The following DAB2IP variants were observed in gnomAD, a reference collection of about 807,000 sequenced individuals.
The protein encoded by DAB2IP is DAB2 interacting protein, also known as disabled homolog 2-interacting protein.
Under a neutral mutation model 107.2 loss-of-function variants are expected in DAB2IP, and 28 were observed. That is an observed-to-expected ratio of 0.26 (90% CI 0.19 to 0.36). DAB2IP has a LOEUF of 0.36. Among genes scored for constraint, DAB2IP ranks in the 10% least tolerant of loss-of-function variants. The pLI is 1.00. For synonymous variants in DAB2IP, 755 were observed against 706.4 expected (o/e 1.07, Z -1.09); for missense variants, 1,400 against 1,644.7 (o/e 0.85, Z 2.57).
intron 3 of DAB2IP, among the ~76,000 whole-genome samples, chr9:121,723,819 AG>A (rs1191304629): frequency 1.3e-5 from 2 of 152,162 alleles, no homozygotes; most frequent in Non-Finnish European, 1.5e-5. Flanking sequence ...TAGGCTGGTG[AG>A]CCCACTCGGG....
At chr9:121,639,292 A>G (rs1044646625) in intron 1 of DAB2IP, among the ~76,000 whole-genome samples, 1 of 152,192 alleles carries the variant, frequency 6.6e-6, no homozygotes, top group African/African-American at 2.4e-5. Flanking sequence ...AGGTCTCTGC[A>G]AACCCTCTAG....
chr9:121,571,912 G>T (rs896220338), intron 1 of DAB2IP, among the ~76,000 whole-genome samples: 4 of 152,056 alleles, frequency 2.6e-5, no homozygotes, highest in Non-Finnish European at 5.9e-5. Flanking sequence ...GGGAGAGCTC[G>T]GAAACTCGGC....
chr9:121,780,529 C>A (rs937739427), intron 14 of DAB2IP, among the ~76,000 whole-genome samples: 2 of 152,254 alleles, frequency 1.3e-5, no homozygotes, highest in South Asian at 2.1e-4. Flanking sequence ...TGGAGAGAAG[C>A]CTTGGGAGTG....
At position 121,599,946 on chromosome 9, in the gene DAB2IP, C is replaced by G. The variant is rs1285904958; in HGVS notation, c.40+32718C>G. Among the ~76,000 whole-genome samples the G allele has an allele frequency of 1.3e-5, 2 of 152,158 alleles. No individual in the cohort carries two copies. The highest frequency in any genetic ancestry group is 2.9e-5 in the Non-Finnish European group (2 of 68,028). On this transcript the variant is annotated intron_variant, in intron 1 of 16. Transcript: ENST00000259371. This position sits in a 1 kb window ranked among gnomAD's most constrained non-coding sequence, Gnocchi z 6.9. ...GCTTTTCCCCTACAGTCCCCTCTCC[C>G]GCAAGGAAATCTGCGCGATGCATTG... is the stretch of plus-strand genomic sequence containing the variant.
chr9:121,664,155 A>G (rs748462301), intron 1 of DAB2IP, among the ~76,000 whole-genome samples: 2 of 152,248 alleles, frequency 1.3e-5, no homozygotes, highest in Non-Finnish European at 2.9e-5. Flanking sequence ...CTTTTCCAGC[A>G]TCAATTTACC....
chr9:121,755,166 C>T (rs1017539667), intron 3 of DAB2IP, among the ~76,000 whole-genome samples: 9 of 152,188 alleles, frequency 5.9e-5, no homozygotes, highest in Admixed American at 2.6e-4. Flanking sequence ...GAGGCCAGGC[C>T]GCTCGAGCAA....
chr9:121,640,221 T>G (rs1832232947), intron 1 of DAB2IP, among the ~76,000 whole-genome samples: 1 of 152,032 alleles, frequency 6.6e-6, no homozygotes, highest in Non-Finnish European at 1.5e-5. Flanking sequence ...GCAGCGCAGA[T>G]CAGCACCTGC....
At chr9:121,618,161 G>T (rs1831344816) in intron 1 of DAB2IP, among the ~76,000 whole-genome samples, 2 of 152,096 alleles carry the variant, frequency 1.3e-5, no homozygotes, top group Admixed American at 6.6e-5. Context: ...GATTACGATG[G>T]GATTATCTGT....
In DAB2IP at chr9:121,651,918, C is replaced by T; in HGVS notation, c.124+19C>T. ...GCCAGGGGTAGGCGCCACCCCGACC[C>T]CTGACCCCTAGACCCTCCTAAGGCC... On this transcript the variant is annotated intron_variant, in intron 1 of 15. Transcript: ENST00000408936. This position sits in a 1 kb window ranked among gnomAD's most constrained non-coding sequence, Gnocchi z 5.1. 7.3e-7 allele frequency: 1 copy of T among 1,371,100 alleles called. No individual in the cohort carries two copies. The highest frequency in any genetic ancestry group is 9.5e-7 in the Non-Finnish European group (1 of 1,054,836). 84.9% of individuals were successfully genotyped at this position (1,371,100 alleles called of 1,614,324 possible). A position where few individuals can be genotyped will look rare whatever the true frequency, so the allele number is the denominator to read the frequency against.
intron 1 of DAB2IP, among the ~76,000 whole-genome samples, chr9:121,628,684 C>G (rs144538806): frequency 6.5e-4 from 99 of 152,260 alleles, no homozygotes; most frequent in African/African-American, 2.3e-3. Flanking sequence ...TCGGCAGGGG[C>G]AGGGGAGGGA....
intron 1 of DAB2IP, among the ~76,000 whole-genome samples, chr9:121,640,437 G>A (rs1832244251): frequency 6.6e-6 from 1 of 152,150 alleles, no homozygotes; most frequent in Admixed American, 6.5e-5. Flanking sequence ...CCAGAACATT[G>A]TGAAACTTCC....
Position 121,782,584 on chromosome 9 carries a change from G to T in DAB2IP, c.*86G>T. The stretch of plus-strand genomic sequence containing the variant: ...GTCTCGGCCTGGGGAGGCACCCACG[G>T]TTGCAGCCCCAGCGCGGGTGTCAGG... On this transcript the variant is annotated 3_prime_UTR_variant, in exon 16 of 16. Coordinates refer to ENST00000408936, the Ensembl canonical transcript of DAB2IP. This position sits in a 1 kb window ranked among gnomAD's most constrained non-coding sequence, Gnocchi z 6.1. The T allele has an allele frequency of 1.3e-6, 2 of 1,557,024 alleles. No homozygotes were observed. The highest frequency in any genetic ancestry group is 2.4e-5 in the South Asian group (2 of 82,410).
intron 3 of DAB2IP, among the ~76,000 whole-genome samples, chr9:121,734,791 T>G (rs1831776639): frequency 6.6e-6 from 1 of 152,162 alleles, no homozygotes; most frequent in African/African-American, 2.4e-5. Context: ...GAGGCACACT[T>G]TCAGATGTAG....
intron 1 of DAB2IP, among the ~76,000 whole-genome samples, chr9:121,602,568 A>ATTTGT (rs60719164): frequency 0.28 from 42,180 of 150,314 alleles, 6,055 homozygotes; most frequent in South Asian, 0.38. Context: ...CAATTTTTAA[A>ATTTGT]TTTGTTTTGT....
rs368161251 is a variant in DAB2IP at position 121,768,645 on chromosome 9, C to T, written c.1899+12C>T. 8.7e-6 allele frequency: 14 copies of T among 1,612,612 alleles called. No homozygotes were observed. The highest frequency in any genetic ancestry group is 4.0e-5 in the African/African-American group (3 of 74,904). Reference sequence around the variant, plus strand: ...GCCAGCTGGAGCAGGTGCCTGTTGCCGTGGGGCGGAGGTGGGGCCAAAAGC... The same window carrying T: ...GCCAGCTGGAGCAGGTGCCTGTTGCTGTGGGGCGGAGGTGGGGCCAAAAGC... On this transcript the variant is annotated intron_variant, in intron 10 of 15. Transcript: ENST00000408936.
At chr9:121,759,849 C>T (rs371466426) in intron 5 of DAB2IP, 36 bp from the exon 6 acceptor site, 29 of 1,572,712 alleles carry the variant, frequency 1.8e-5, no homozygotes, top group Non-Finnish European at 2.5e-5. Context: ...ACGTGGCACC[C>T]CCAGCTGACC....
intron 10 of DAB2IP, among the ~76,000 whole-genome samples, chr9:121,769,904 T>C (rs1834575744): frequency 6.6e-6 from 1 of 152,150 alleles, no homozygotes. Flanking sequence ...TTGCGTGCTC[T>C]ATTGCCTGCA....
exon 16 of DAB2IP, chr9:121,783,447 T>G (rs974732022): frequency 6.2e-7 from 1 of 1,612,360 alleles, no homozygotes; most frequent in Non-Finnish European, 8.5e-7. Context: ...GAAAAGGTGA[T>G]CCTTCCTCTG....
rs960153774 is a variant in DAB2IP, at chr9:121,635,058, G to C, written c.41-43620G>C. On this transcript the variant is annotated intron_variant, in intron 1 of 16. Transcript: ENST00000259371. The surrounding 1 kb of genome is among the most constrained non-coding windows in gnomAD (Gnocchi z 4.3). ...CGTGCGTGTGTATGTGTGTGTGCAT[G>C]TGCGTGTATGTCTATGTGCGAAGGG... 1.3e-5 allele frequency among the ~76,000 whole-genome samples: 2 copies of C among 152,180 alleles called. No homozygotes were observed. The highest frequency in any genetic ancestry group is 2.9e-5 in the Non-Finnish European group (2 of 68,050).
Sources: gnomAD v4.1 joint callset for allele counts (sites outside exome capture counted in the v4.1 genomes callset) on GRCh38, gnomAD v4.1.1 for gene constraint, Gnocchi (gnomAD v3.1) non-coding constraint, MANE v1.5 for transcripts, NCBI Gene and HGNC (gene_info 2026-07-23, HGNC 2026-07-21) for gene names.